The following PDZD2 variants were observed in gnomAD, a reference collection of about 807,000 sequenced individuals.
PDZD2 encodes PDZ domain containing 2.
In PDZD2, 90 loss-of-function variants were observed where a neutral mutation model predicts 220.7. The ratio of observed to expected loss-of-function variants is 0.41; its 90% CI spans 0.34 to 0.49. The LOEUF (loss-of-function observed/expected upper bound fraction) is 0.49, where lower values mean the gene tolerates loss of function less well. Among genes scored for constraint, PDZD2 ranks in the 20% least tolerant of loss-of-function variants. The pLI is 0.28. For synonymous variants in PDZD2, 1,375 were observed against 1,450.5 expected, an observed-to-expected ratio of 0.95 and a Z score of 1.18; for missense variants, 3,174 against 3,608.5, an observed-to-expected ratio of 0.88 and a Z score of 3.08.
intron 3 of PDZD2, among the ~76,000 whole-genome samples, chr5:31,988,981 C>G (rs976722023): frequency 3.9e-5 from 6 of 152,176 alleles, no homozygotes; most frequent in African/African-American, 1.4e-4. Context: ...CATGCCCGAG[C>G]CCGACGTATT....
At chr5:31,950,233 G>T (rs943881584) in intron 2 of PDZD2, among the ~76,000 whole-genome samples, 3 of 152,140 alleles carry the variant, frequency 2.0e-5, no homozygotes, top group Admixed American at 6.5e-5. Context: ...CCACGAGCCT[G>T]GGCCCATGAT....
intron 5 of PDZD2, among the ~76,000 whole-genome samples, chr5:32,006,971 A>G (rs1308307850): frequency 5.9e-5 from 7 of 118,448 alleles, no homozygotes; most frequent in African/African-American, 2.0e-4. Flanking sequence ...GCTGGAGTGC[A>G]GTGGCGCCAT....
chr5:31,892,855 G>A (rs1213313570), intron 2 of PDZD2, among the ~76,000 whole-genome samples: 1 of 152,162 alleles, frequency 6.6e-6, no homozygotes, highest in Non-Finnish European at 1.5e-5. Flanking sequence ...ACAGGTGTGT[G>A]CCACTGTGCC....
At chr5:31,869,844 T>G (rs2150322355) in intron 2 of PDZD2, among the ~76,000 whole-genome samples, 1 of 152,278 alleles carries the variant, frequency 6.6e-6, no homozygotes, top group Admixed American at 6.5e-5. Context: ...CTCGGGCATC[T>G]GAGGGCAGAG....
intron 1 of PDZD2, chr5:31,742,107 G>A (rs1580665815): frequency 1.3e-5 from 2 of 152,188 alleles, no homozygotes; most frequent in East Asian, 3.9e-4. Context: ...TTTTCTAAAT[G>A]GGACTTAACC....
Position 31,912,221 on chromosome 5 carries a change from G to C in PDZD2, c.477-70934G>C, listed in dbSNP as rs535414370. Among the ~76,000 whole-genome samples, 96 of 152,294 alleles carry C rather than the reference G, an allele frequency of 6.3e-4. 1 individual carries two copies. Among genetic ancestry groups the C allele is most frequent in the Non-Finnish European group, 1.1e-3 (74 of 68,026 alleles). On this transcript the variant is annotated intron_variant, in intron 2 of 24. Transcript: ENST00000438447. ...CCAGGTATTAGCTGATTCAGTGTCT[G>C]GTGAGGGTCTGCTTTCTGGTTCATA...
chr5:31,862,827 A>G (rs1366746493), intron 2 of PDZD2, among the ~76,000 whole-genome samples: 1 of 152,090 alleles, frequency 6.6e-6, no homozygotes, highest in Admixed American at 6.5e-5. Context: ...TCCCGGGTTC[A>G]GTGATTCTTC....
At chr5:32,038,182 T>TAAAAAAAAAA (rs547581515) in intron 7 of PDZD2, among the ~76,000 whole-genome samples, 2 of 109,056 alleles carry the variant, frequency 1.8e-5, no homozygotes, top group Non-Finnish European at 1.8e-5. Context: ...TTTCCTCCAT[T>TAAAAAAAAAA]AAAAAAAAAA....
chr5:31,901,108 G>C (rs578016550), intron 2 of PDZD2, among the ~76,000 whole-genome samples: 1 of 152,134 alleles, frequency 6.6e-6, no homozygotes, highest in South Asian at 2.1e-4. Flanking sequence ...ACACATTTAG[G>C]CTAACAGCTA....
intron 1 of PDZD2, among the ~76,000 whole-genome samples, chr5:31,640,780 T>TG (rs1372277149): frequency 3.3e-5 from 5 of 151,944 alleles, no homozygotes; most frequent in Non-Finnish European, 5.9e-5. Context: ...TCTGGCTTCA[T>TG]GAATTCCTTC....
intron 2 of PDZD2, among the ~76,000 whole-genome samples, chr5:31,961,800 C>T (rs1333112273): frequency 4.6e-5 from 7 of 152,170 alleles, no homozygotes; most frequent in East Asian, 1.9e-4. Flanking sequence ...TCCACCACCA[C>T]GCCTGGCTAA....
chr5:31,844,681 G>A (rs1199072165), intron 2 of PDZD2, among the ~76,000 whole-genome samples: 1 of 152,134 alleles, frequency 6.6e-6, no homozygotes, highest in Non-Finnish European at 1.5e-5. Flanking sequence ...CCTGTGTAAG[G>A]AAAGGCACCA....
chr5:31,869,178 C>G (rs555172357), intron 2 of PDZD2, among the ~76,000 whole-genome samples: 86 of 152,304 alleles, frequency 5.6e-4, no homozygotes, highest in Non-Finnish European at 1.1e-3. Flanking sequence ...CTGTATCTTC[C>G]TTCAGGACAA....
intron 5 of PDZD2, among the ~76,000 whole-genome samples, chr5:32,003,418 ACACCCCCC>A (rs1203732058): frequency 4.8e-5 from 2 of 41,886 alleles, no homozygotes; most frequent in Non-Finnish European, 6.4e-5. Context: ...CTCCACACAC[ACACCCCCC>A]CCACACACAC....
intron 1 of PDZD2, among the ~76,000 whole-genome samples, chr5:31,713,931 CT>C (rs2150141315): frequency 6.6e-6 from 1 of 152,342 alleles, no homozygotes; most frequent in South Asian, 2.1e-4. Flanking sequence ...CTTGTACAGC[CT>C]GCAGAACCAT....
At chr5:31,652,147 T>TTTG (rs1554059634) in intron 1 of PDZD2, among the ~76,000 whole-genome samples, 2 of 147,282 alleles carry the variant, frequency 1.4e-5, no homozygotes, top group Non-Finnish European at 3.0e-5. Flanking sequence ...TTTTTTTGTT[T>TTTG]TTTGTTTGTT....
chr5:32,084,657 C>G (rs1190534649), intron 19 of PDZD2, among the ~76,000 whole-genome samples: 2 of 152,160 alleles, frequency 1.3e-5, no homozygotes. Flanking sequence ...AAACCAAGAG[C>G]TTTCATGGAA....
intron 1 of PDZD2, among the ~76,000 whole-genome samples, chr5:31,749,370 C>T (rs1242964941): frequency 1.3e-5 from 2 of 150,760 alleles, no homozygotes; most frequent in African/African-American, 2.4e-5. Flanking sequence ...CTGGGGTAGA[C>T]GTCTGTCTCC....
At chr5:32,104,643 C>G (rs1744566165) in intron 24 of PDZD2, among the ~76,000 whole-genome samples, 1 of 144,246 alleles carries the variant, frequency 6.9e-6, no homozygotes, top group Non-Finnish European at 1.5e-5. Flanking sequence ...TCACTTGAAC[C>G]CAGGAGGCGG....
Sources: allele counts gnomAD v4.1 joint callset (sites outside exome capture counted in the v4.1 genomes callset), GRCh38; gene constraint gnomAD v4.1.1; transcripts MANE v1.5; gene names NCBI Gene and HGNC (gene_info 2026-07-23, HGNC 2026-07-21).